The following IQGAP1 variants were observed in gnomAD, a reference collection of about 807,000 sequenced individuals.
The protein encoded by IQGAP1 is ras GTPase-activating-like protein IQGAP1.
In IQGAP1, 66 loss-of-function variants were observed where a neutral mutation model predicts 215.6. The observed-to-expected ratio is 0.31, with a 90% CI of 0.25 to 0.38. The LOEUF is 0.38. Among genes scored for constraint, IQGAP1 ranks in the 10% least tolerant of loss-of-function variants. The pLI is 1.00. For synonymous variants in IQGAP1, 772 were observed against 728.7 expected, an observed-to-expected ratio of 1.06 and a Z score of -0.96; for missense variants, 1,712 against 1,997.1, an observed-to-expected ratio of 0.86 and a Z score of 2.72.
At chr15:90,395,750 C>G (rs1278688068) in intron 2 of IQGAP1, among the ~76,000 whole-genome samples, 2 of 152,180 alleles carry the variant, frequency 1.3e-5, no homozygotes, top group Non-Finnish European at 2.9e-5. Flanking sequence ...GAATAAGGTT[C>G]AGGTGAAAAG....
At chr15:90,481,056 A>G (rs1376589625) in intron 26 of IQGAP1, among the ~76,000 whole-genome samples, 1 of 152,160 alleles carries the variant, frequency 6.6e-6, no homozygotes, top group Non-Finnish European at 1.5e-5. Context: ...ACAATTGTGG[A>G]GGCCAGAAAT....
At chr15:90,473,187 TG>T in intron 19 of IQGAP1, 177 bp downstream of exon 19, 1 of 589,570 alleles carries the variant, frequency 1.7e-6, no homozygotes, top group South Asian at 2.1e-5. Flanking sequence ...TGCCTACAGG[TG>T]TTTAATGCTG....
At chr15:90,479,857 C>A (rs878943000) in intron 26 of IQGAP1, among the ~76,000 whole-genome samples, 1 of 152,040 alleles carries the variant, frequency 6.6e-6, no homozygotes, top group Admixed American at 6.5e-5. Context: ...GCCTGCATAC[C>A]TGAGGCCCAC....
At chr15:90,479,703 G>A (rs1001901475) in intron 26 of IQGAP1, among the ~76,000 whole-genome samples, 4 of 152,014 alleles carry the variant, frequency 2.6e-5, no homozygotes, top group Admixed American at 1.3e-4. Flanking sequence ...CCTTGATGGC[G>A]CCACTGCACT....
chr15:90,472,517 T>A (rs1965920250), intron 18 of IQGAP1, among the ~76,000 whole-genome samples: 1 of 152,170 alleles, frequency 6.6e-6, no homozygotes, highest in Admixed American at 6.6e-5. Context: ...TGTCACTCTG[T>A]TCTTGTCTAC....
intron 34 of IQGAP1, 100 bp from the exon 35 acceptor site, chr15:90,492,445 G>T: frequency 1.4e-6 from 1 of 703,734 alleles, no homozygotes; most frequent in Non-Finnish European, 2.1e-6. Flanking sequence ...AAAAAAAGTA[G>T]GTAGTCATAT....
intron 2 of IQGAP1, chr15:90,391,396 T>C (rs1356899642): frequency 6.5e-6 from 1 of 152,776 alleles, no homozygotes; most frequent in African/African-American, 2.4e-5. Context: ...TTAAGTGTAC[T>C]GAACGGTTTT....
intron 5 of IQGAP1, among the ~76,000 whole-genome samples, chr15:90,435,292 C>A (rs1336672855): frequency 6.6e-6 from 1 of 151,992 alleles, no homozygotes; most frequent in East Asian, 1.9e-4. Flanking sequence ...TCCTGGGCAA[C>A]GTAGCGAGAC....
rs546351821 is a variant in IQGAP1, at chr15:90,406,492, C to G, written c.155+15619C>G. 9.9e-4 allele frequency among the ~76,000 whole-genome samples: 150 copies of G among 152,276 alleles called. 1 individual carries two copies. The highest frequency in any genetic ancestry group is 3.4e-3 in the African/African-American group (142 of 41,558). On this transcript the variant is annotated intron_variant, in intron 2 of 37. Coordinates refer to ENST00000268182, the MANE Select transcript of IQGAP1 (RefSeq NM_003870.4). Reference sequence around the variant, plus strand: ...TTTGTTTTTGGTTGATGAAAGTGTTCTGGAATTAGATAGTGATGACGGTTG... The same window carrying G: ...TTTGTTTTTGGTTGATGAAAGTGTTGTGGAATTAGATAGTGATGACGGTTG...
Position 90,486,910 on chromosome 15 carries a change from C to T in IQGAP1, c.4025-44C>T, listed in dbSNP as rs544985056. ...TTGTATTATTTCCCCCCAATATCTC[C>T]TCTCTTTATTACGCTGACTCTTTCC... On this transcript the variant is annotated intron_variant, in intron 31 of 37. Coordinates refer to ENST00000268182, the MANE Select transcript of IQGAP1 (RefSeq NM_003870.4). 1.6e-4 allele frequency: 256 copies of T among 1,583,958 alleles called. 3 individuals carry two copies. The South Asian group carries it at 2.6e-3, about 16-fold the overall frequency.
intron 2 of IQGAP1, among the ~76,000 whole-genome samples, chr15:90,417,369 C>T (rs1181851701): frequency 1.3e-5 from 2 of 152,040 alleles, no homozygotes; most frequent in Non-Finnish European, 2.9e-5. Flanking sequence ...TAATCCATCT[C>T]GAATTAATTT....
intron 2 of IQGAP1, among the ~76,000 whole-genome samples, chr15:90,400,142 T>C (rs1391352187): frequency 2.0e-5 from 3 of 146,798 alleles, no homozygotes; most frequent in African/African-American, 8.1e-5. Flanking sequence ...TGGAGACTCT[T>C]CTTGGTTTAT....
At chr15:90,453,839 A>G (rs921135635) in intron 13 of IQGAP1, among the ~76,000 whole-genome samples, 3 of 152,260 alleles carry the variant, frequency 2.0e-5, no homozygotes, top group Admixed American at 2.0e-4. Flanking sequence ...TCAGTTCAAC[A>G]TTTTTGATGA....
At chr15:90,475,971 T>C (rs1965974339) in intron 23 of IQGAP1, among the ~76,000 whole-genome samples, 1 of 152,080 alleles carries the variant, frequency 6.6e-6, no homozygotes, top group Non-Finnish European at 1.5e-5. Context: ...AGTTTCCCTC[T>C]GTACCCCAGG....
chr15:90,472,309 C>T (rs1567137449), intron 18 of IQGAP1, among the ~76,000 whole-genome samples: 2 of 152,114 alleles, frequency 1.3e-5, no homozygotes, highest in East Asian at 3.9e-4. Flanking sequence ...TGTTTTATTC[C>T]TTTGCTTGAC....
At chr15:90,409,595 G>A (rs1381171993) in intron 2 of IQGAP1, among the ~76,000 whole-genome samples, 6 of 152,046 alleles carry the variant, frequency 3.9e-5, no homozygotes, top group South Asian at 2.1e-4. Context: ...GCCTGGCCTC[G>A]AACTTACGAA....
chr15:90,492,433 A>G (rs1413957465), intron 34 of IQGAP1, 112 bp from the exon 35 acceptor site: 1 of 821,416 alleles, frequency 1.2e-6, no homozygotes, highest in Non-Finnish European at 1.8e-6. Context: ...AAAAAAAAAA[A>G]AAAAAAAAGT....
intron 13 of IQGAP1, among the ~76,000 whole-genome samples, chr15:90,453,776 A>G (rs1006902286): frequency 6.6e-6 from 1 of 152,146 alleles, no homozygotes; most frequent in Non-Finnish European, 1.5e-5. Context: ...TTGCTTTCTC[A>G]TATTTGCCTT....
chr15:90,436,163 T>G (rs1168249397), intron 5 of IQGAP1, among the ~76,000 whole-genome samples: 1 of 151,590 alleles, frequency 6.6e-6, no homozygotes, highest in African/African-American at 2.4e-5. Flanking sequence ...AACATTCCAC[T>G]CTCAGATAAG....
Sources: allele counts gnomAD v4.1 joint callset (sites outside exome capture counted in the v4.1 genomes callset), GRCh38; gene constraint gnomAD v4.1.1; transcripts MANE v1.5; gene names NCBI Gene and HGNC (gene_info 2026-07-23, HGNC 2026-07-21).